MFF: variants seen among roughly 807,000 people sequenced by gnomAD.
MFF encodes mitochondrial fission factor, also known as chromosome 2 open reading frame 33.
In MFF, 12 loss-of-function variants were observed where a neutral mutation model predicts 36.9. The ratio of observed to expected loss-of-function variants is 0.33; its 90% CI spans 0.21 to 0.53. The LOEUF is 0.53. Among genes scored for constraint, MFF ranks in the 20% least tolerant of loss-of-function variants. The pLI is 0.95. For missense variants in MFF, 348 were observed against 366.6 expected (o/e 0.95, Z 0.42); for synonymous variants, 99 against 126.2 (o/e 0.78, Z 1.44).
chr2:227,347,484 C>A, intron 6 of MFF, 100 bp downstream of exon 6: 2 of 937,894 alleles, frequency 2.1e-6, no homozygotes, highest in Non-Finnish European at 3.3e-6. Context: ...TACCTTCTAG[C>A]CTCTTTCTAA....
chr2:227,326,112 CT>C (rs2106322171), intron 1 of MFF, among the ~76,000 whole-genome samples: 1 of 151,958 alleles, frequency 6.6e-6, no homozygotes, highest in African/African-American at 2.4e-5. Flanking sequence ...GCTACTATTA[CT>C]ATCGTAAAAG....
intron 2 of MFF, chr2:227,329,713 T>G: frequency 6.9e-7 from 1 of 1,439,406 alleles, no homozygotes; most frequent in African/African-American, 1.4e-5. Context: ...AGTATTTTAA[T>G]AGCTATTATA....
intron 1 of MFF, among the ~76,000 whole-genome samples, chr2:227,327,124 T>C (rs1267965089): frequency 6.6e-6 from 1 of 152,124 alleles, no homozygotes; most frequent in Non-Finnish European, 1.5e-5. Flanking sequence ...TTTTAAAAAG[T>C]CGAGTTAAAA....
intron 7 of MFF, among the ~76,000 whole-genome samples, chr2:227,353,397 A>C (rs1217980306): frequency 6.6e-6 from 1 of 152,194 alleles, no homozygotes; most frequent in African/African-American, 2.4e-5. Flanking sequence ...TTCTGTGCTT[A>C]GAAGTTGGTG....
At chr2:227,345,287 A>G (rs2075647764) in intron 5 of MFF, among the ~76,000 whole-genome samples, 1 of 152,246 alleles carries the variant, frequency 6.6e-6, no homozygotes, top group African/African-American at 2.4e-5. Context: ...AACATCCATT[A>G]AGTTTTTTTC....
intron 6 of MFF, among the ~76,000 whole-genome samples, chr2:227,348,685 C>T (rs2075835114): frequency 6.6e-6 from 1 of 152,082 alleles, no homozygotes; most frequent in South Asian, 2.1e-4. Flanking sequence ...CCGGATCCAC[C>T]CCACTACATA....
intron 3 of MFF, 115 bp downstream of exon 3, chr2:227,330,961 T>G: frequency 1.3e-6 from 1 of 781,412 alleles, no homozygotes; most frequent in African/African-American, 1.8e-5. Flanking sequence ...AATGCAACTT[T>G]ATACTTTTGA....
intron 5 of MFF, 78 bp downstream of exon 5, chr2:227,340,458 A>G: frequency 9.7e-7 from 1 of 1,034,072 alleles, no homozygotes; most frequent in East Asian, 2.5e-5. Context: ...TTTCTAAATA[A>G]TTACTTCATG....
At chr2:227,352,423 G>T (rs1165519001) in intron 6 of MFF, 91 bp from the exon 7 acceptor site, 5 of 893,648 alleles carry the variant, frequency 5.6e-6, no homozygotes, top group Non-Finnish European at 7.3e-6. Context: ...AATCCTATTT[G>T]ACATTTATTT....
intron 4 of MFF, among the ~76,000 whole-genome samples, chr2:227,337,614 T>C (rs938939104): frequency 7.2e-5 from 11 of 152,238 alleles, no homozygotes; most frequent in African/African-American, 2.7e-4. Context: ...TAGTGCTACA[T>C]GTTATATAAC....
At chr2:227,337,971 G>C (rs1485718500) in intron 4 of MFF, among the ~76,000 whole-genome samples, 1 of 151,876 alleles carries the variant, frequency 6.6e-6, no homozygotes, top group Non-Finnish European at 1.5e-5. Flanking sequence ...CTTGAACCCG[G>C]GAGGCAGAGA....
intron 2 of MFF, chr2:227,329,357 C>T: frequency 4.8e-6 from 1 of 209,108 alleles, no homozygotes; most frequent in South Asian, 7.0e-5. Context: ...TTTGTATATA[C>T]ATTTGATACA....
At chr2:227,338,178 G>A (rs1212364525) in intron 4 of MFF, among the ~76,000 whole-genome samples, 4 of 151,874 alleles carry the variant, frequency 2.6e-5, no homozygotes, top group African/African-American at 9.7e-5. Context: ...GACCAGCCTG[G>A]CCAACATGGT....
intron 1 of MFF, among the ~76,000 whole-genome samples, chr2:227,327,102 A>G (rs1246490078): frequency 6.6e-6 from 1 of 152,210 alleles, no homozygotes; most frequent in East Asian, 1.9e-4. Context: ...TTCTTTTACA[A>G]TACTTTTTTG....
intron 4 of MFF, 142 bp from the exon 5 acceptor site, chr2:227,340,150 C>A: frequency 1.7e-6 from 1 of 591,242 alleles, no homozygotes. Flanking sequence ...TAATACACTG[C>A]CTGGCAGCAA....
At chr2:227,352,836 A>C (rs1287562943) in intron 7 of MFF, among the ~76,000 whole-genome samples, 1 of 152,196 alleles carries the variant, frequency 6.6e-6, no homozygotes, top group Non-Finnish European at 1.5e-5. Context: ...AATAGTTTAT[A>C]GGTGGTTTAT....
chr2:227,333,393 C>T (rs1408862708), intron 4 of MFF, among the ~76,000 whole-genome samples: 1 of 152,198 alleles, frequency 6.6e-6, no homozygotes, highest in Non-Finnish European at 1.5e-5. Flanking sequence ...AATATGCTCA[C>T]AGTTAGTTTG....
chr2:227,333,309 C>T (rs987064975), intron 4 of MFF, among the ~76,000 whole-genome samples: 8 of 152,108 alleles, frequency 5.3e-5, no homozygotes, highest in Non-Finnish European at 8.8e-5. Context: ...GTAAAGCACC[C>T]ATACTGTCTA....
intron 4 of MFF, among the ~76,000 whole-genome samples, chr2:227,336,257 A>G (rs2074997034): frequency 6.6e-6 from 1 of 152,266 alleles, no homozygotes; most frequent in Non-Finnish European, 1.5e-5. Context: ...TGAAAAAATC[A>G]GCTACAATAA....
Sources: gnomAD v4.1 joint callset for allele counts (sites outside exome capture counted in the v4.1 genomes callset) on GRCh38, gnomAD v4.1.1 for gene constraint, MANE v1.5 for transcripts, NCBI Gene and HGNC (gene_info 2026-07-23, HGNC 2026-07-21) for gene names.